PPFIBP2: variants seen among roughly 807,000 people sequenced by gnomAD.
PPFIBP2 encodes the protein PPFIB scaffold protein 2, also known as liprin-beta-2.
PPFIBP2 carries 118 observed loss-of-function variants against 118.3 expected under a neutral mutation model. The ratio of observed to expected loss-of-function variants is 1.00; its 90% CI spans 0.86 to 1.16. The LOEUF (loss-of-function observed/expected upper bound fraction) is 1.16, where lower values mean the gene tolerates loss of function less well. Ranked by LOEUF, PPFIBP2 falls within the 50% of genes most tolerant of loss-of-function variation. The pLI, the probability that PPFIBP2 is intolerant of heterozygous loss-of-function variation, is 0.00. For missense variants in PPFIBP2, 1,195 were observed against 1,073.1 expected (o/e 1.11, Z -1.59); for synonymous variants, 414 against 397.4 (o/e 1.04, Z -0.50).
At chr11:7,607,762 A>G (rs765603004) in intron 5 of PPFIBP2, among the ~76,000 whole-genome samples, 1 of 152,090 alleles carries the variant, frequency 6.6e-6, no homozygotes, top group African/African-American at 2.4e-5. Context: ...TCACATGTAC[A>G]TTATAGTCCA....
chr11:7,540,134 C>G (rs1478122146), intron 1 of PPFIBP2, among the ~76,000 whole-genome samples: 9 of 152,184 alleles, frequency 5.9e-5, no homozygotes, highest in Non-Finnish European at 1.5e-5. Flanking sequence ...TCCCCAAGCA[C>G]CCCTTTGTTG....
intron 1 of PPFIBP2, among the ~76,000 whole-genome samples, chr11:7,541,732 G>T (rs996999505): frequency 3.3e-5 from 5 of 152,130 alleles, no homozygotes; most frequent in Admixed American, 6.5e-5. Context: ...ATTTCCAAAT[G>T]GCTACTCAGC....
intron 16 of PPFIBP2, 97 bp downstream of exon 16, chr11:7,641,717 A>G: frequency 8.3e-7 from 1 of 1,201,568 alleles, no homozygotes; most frequent in Non-Finnish European, 1.2e-6. Context: ...TAGACACTGA[A>G]ACAGCAGTCA....
At chr11:7,639,442 A>C (rs1417853858) in intron 14 of PPFIBP2, among the ~76,000 whole-genome samples, 2 of 152,230 alleles carry the variant, frequency 1.3e-5, no homozygotes, top group Admixed American at 1.3e-4. Flanking sequence ...CCAGACAGCA[A>C]AGGCCGCTTT....
chr11:7,520,337 C>T (rs1317827882), intron 1 of PPFIBP2, among the ~76,000 whole-genome samples: 3 of 152,062 alleles, frequency 2.0e-5, no homozygotes, highest in Non-Finnish European at 4.4e-5. Context: ...GGGTATTTTC[C>T]GGCTGGCTCT....
At chr11:7,652,481 T>C (rs1854188613) in intron 23 of PPFIBP2, among the ~76,000 whole-genome samples, 1 of 152,214 alleles carries the variant, frequency 6.6e-6, no homozygotes, top group African/African-American at 2.4e-5. Flanking sequence ...GTAGTGTTGA[T>C]GCTTCATGCC....
the PPFIBP2 span, chr11:7,665,645 C>G: frequency 3.0e-6 from 4 of 1,324,460 alleles, no homozygotes; most frequent in East Asian, 2.5e-5. Flanking sequence ...GAGGAGGTGA[C>G]AAGCTGCTCT....
chr11:7,630,201 C>G (rs1400844928), intron 10 of PPFIBP2, among the ~76,000 whole-genome samples: 1 of 152,152 alleles, frequency 6.6e-6, no homozygotes, highest in Non-Finnish European at 1.5e-5. Flanking sequence ...TATTCAGGAA[C>G]CTCTGATTCT....
downstream of PPFIBP2, among the ~76,000 whole-genome samples, chr11:7,659,153 A>G (rs1854835277): frequency 6.7e-6 from 1 of 149,520 alleles, no homozygotes; most frequent in Non-Finnish European, 1.5e-5. Context: ...GTTTAATTAG[A>G]TCCCATTTGT....
intron 4 of PPFIBP2, among the ~76,000 whole-genome samples, chr11:7,595,146 G>A (rs1860062560): frequency 6.6e-6 from 1 of 152,122 alleles, no homozygotes; most frequent in African/African-American, 2.4e-5. Flanking sequence ...ACACACTGAG[G>A]CAAGAGTGTG....
In PPFIBP2 at chr11:7,632,904, C is replaced by T; in HGVS notation, c.1106C>T (p.Pro369Leu). Residue 369 changes from proline to leucine, a missense_variant, in exon 12 of 24, where the codon CCT (proline) becomes CTT (leucine). By Grantham distance (98) the Pro-to-Leu change is moderately conservative. Coordinates refer to ENST00000299492, the MANE Select transcript of PPFIBP2 (RefSeq NM_003621.5). ...TGTAGCTCTCCTACAGTGGGGCCAC[C>T]TCCATTGCCACAGAAATCACTGGAA... ...PRCSSPTVGP[P>L]PLPQKSLETR... 1 of 1,613,912 alleles carries T rather than the reference C, an allele frequency of 6.2e-7. No homozygotes were observed. Among genetic ancestry groups the T allele is most frequent in the Non-Finnish European group, 8.5e-7 (1 of 1,179,840 alleles).
chr11:7,560,784 A>T (rs1854215646), intron 2 of PPFIBP2, among the ~76,000 whole-genome samples: 1 of 152,246 alleles, frequency 6.6e-6, no homozygotes, highest in African/African-American at 2.4e-5. Context: ...TATGAACAGC[A>T]TATGAGCTTG....
intron 1 of PPFIBP2, among the ~76,000 whole-genome samples, chr11:7,518,714 T>A (rs1263606428): frequency 6.6e-6 from 1 of 152,130 alleles, no homozygotes. Context: ...CGTCTGGAAA[T>A]GAACCGAGTC....
At chr11:7,595,559 G>A (rs1228899897) in intron 4 of PPFIBP2, among the ~76,000 whole-genome samples, 1 of 152,216 alleles carries the variant, frequency 6.6e-6, no homozygotes, top group Non-Finnish European at 1.5e-5. Flanking sequence ...CTGCTTGCCA[G>A]TAAAGTCAGA....
intron 1 of PPFIBP2, among the ~76,000 whole-genome samples, chr11:7,545,948 C>T (rs898561252): frequency 7.2e-5 from 11 of 152,108 alleles, no homozygotes; most frequent in African/African-American, 2.2e-4. Flanking sequence ...AAGGACTGAG[C>T]GACCCATGAT....
chr11:7,630,128 C>T (rs926277741), intron 10 of PPFIBP2, among the ~76,000 whole-genome samples: 3 of 152,192 alleles, frequency 2.0e-5, no homozygotes, highest in African/African-American at 7.2e-5. Flanking sequence ...TGCCATTGAC[C>T]TGGGCTCCCA....
intron 1 of PPFIBP2, among the ~76,000 whole-genome samples, chr11:7,525,360 G>C (rs1386453779): frequency 6.6e-6 from 1 of 152,196 alleles, no homozygotes; most frequent in East Asian, 1.9e-4. Context: ...TCCAGTGCTT[G>C]GCACATCATA....
chr11:7,528,129 A>G (rs1850385013), intron 1 of PPFIBP2, among the ~76,000 whole-genome samples: 1 of 152,190 alleles, frequency 6.6e-6, no homozygotes, highest in South Asian at 2.1e-4. Flanking sequence ...AGTCCAGATT[A>G]TGCAGTCTTA....
At chr11:7,529,340 G>A (rs1037463158) in intron 1 of PPFIBP2, among the ~76,000 whole-genome samples, 7 of 152,166 alleles carry the variant, frequency 4.6e-5, no homozygotes, top group African/African-American at 7.2e-5. Context: ...AGATCTTATC[G>A]GCTCCATGAA....
Sources: gnomAD v4.1 joint callset for allele counts (sites outside exome capture counted in the v4.1 genomes callset) on GRCh38, gnomAD v4.1.1 for gene constraint, MANE v1.5 for transcripts, NCBI Gene and HGNC (gene_info 2026-07-23, HGNC 2026-07-21) for gene names.